The following CDSN variants were observed in gnomAD, a reference collection of about 807,000 sequenced individuals.
CDSN encodes the protein S protein.
In CDSN, 11 loss-of-function variants were observed where a neutral mutation model predicts 25.6. The observed-to-expected ratio is 0.43, with a 90% CI of 0.27 to 0.71. CDSN has a LOEUF of 0.71. Ranked by LOEUF, CDSN falls within the 30% of genes least tolerant of loss-of-function variation. CDSN has a pLI of 0.20. For missense variants in CDSN, 598 were observed against 670.9 expected (o/e 0.89, Z 1.20); for synonymous variants, 266 against 267.4 (o/e 0.99, Z 0.05).
In CDSN at chr6:31,116,184, A is replaced by G; in HGVS notation, c.1431T>C (p.Pro477=). Residue 477 remains proline (P), a synonymous_variant, in exon 2 of 2, where the codon CCT becomes CCC. Coordinates refer to ENST00000376288, the MANE Select transcript of CDSN (RefSeq NM_001264.5). ...AGGGCTTGGCACCAGCGGAGGGATC[A>G]GGATGGGGAGAGCCATCGGGGCCCC... The part of the protein sequence containing the change: ...LTGGPDGSPH[P]DPSAGAKPCG... The G allele has an allele frequency of 6.2e-7, 1 of 1,613,310 alleles. No homozygotes were observed. Among genetic ancestry groups the G allele is most frequent in the Non-Finnish European group, 8.5e-7 (1 of 1,179,564 alleles).
In CDSN at chr6:31,120,424, G is replaced by C. The variant is rs767309535; in HGVS notation, c.-5C>G. The C allele has an allele frequency of 6.3e-7, 1 of 1,576,824 alleles. No individual in the cohort carries two copies. The highest frequency in any genetic ancestry group is 1.4e-5 in the African/African-American group (1 of 73,986). ...GGGTGCCCGAGACGAGCCCATCTCGGACTGCACGGCCTCCTGACTGATGGC... is the reference window on the plus strand; with the variant it reads ...GGGTGCCCGAGACGAGCCCATCTCGCACTGCACGGCCTCCTGACTGATGGC... On this transcript the variant is annotated 5_prime_UTR_variant, in exon 1 of 2. Transcript: ENST00000376288.
chr6:31,117,565 A>G, intron 1 of CDSN, 36 bp from the exon 2 acceptor site: 1 of 1,528,626 alleles, frequency 6.5e-7, no homozygotes. Context: ...AGGGCCAAGG[A>G]GGCTTGGCTT....
In CDSN at chr6:31,117,637, G is replaced by A. The variant is rs144820504; in HGVS notation, c.86-108C>T. The A allele has an allele frequency of 2.0e-5, 19 of 927,322 alleles. No individual in the cohort carries two copies. The African/African-American group carries it at 2.5e-4, about 12-fold the overall frequency. The allele number at this position is 927,322 out of a possible 1,614,324, so 57.4% of individuals were successfully genotyped here. On this transcript the variant is annotated intron_variant, in intron 1 of 1. Transcript: ENST00000376288. ...CTCTCGGGTTTCTCCCAAGCAGAGC[G>A]CAGGGAGAGTTTAGGGATGGAGAAA...
rs565620030 is a variant in CDSN, at chr6:31,116,047, C to T, written c.1568G>A (p.Gly523Glu). Residue 523 changes from glycine to glutamate, a missense_variant, in exon 2 of 2, where the codon GGA becomes GAA. Transcript: ENST00000376288. ...TTCTTATGGACTGTTGAGTAACTCT[C>T]CTTGGGGTAGGAAAACTTCAGGGTC... ...LADPEVFLPQ[G>E]ELLNSP The T allele has an allele frequency of 1.9e-6, 3 of 1,611,998 alleles. No individual in the cohort carries two copies. Among genetic ancestry groups the T allele is most frequent in the African/African-American group, 2.7e-5 (2 of 74,974 alleles).
chr6:31,116,128 C>T lies in CDSN; in HGVS notation c.1487G>A (p.Cys496Tyr), dbSNP rs774392868. 10 of 1,610,984 alleles carry T rather than the reference C, an allele frequency of 6.2e-6. No individual in the cohort carries two copies. Among genetic ancestry groups the T allele is most frequent in the Non-Finnish European group, 8.5e-7 (1 of 1,178,368 alleles). ...GGCTAGGATATCCCGGATGGAGCGG[C>T]AGGGGATCTTTCCAGCACTGCTGGA... ...CGSSSAGKIPCRSIRDILAQV... is the reference protein window; with the variant it reads ...CGSSSAGKIPYRSIRDILAQV... The change falls in exon 2 of 2, where the codon TGC becomes TAC. Residue 496 changes from cysteine to tyrosine, a missense_variant. Transcript: ENST00000376288.
At position 31,115,523 on chromosome 6, in the gene CDSN, A is replaced by C; in HGVS notation, c.*502T>G. 6.0e-6 allele frequency: 1 copy of C among 167,100 alleles called. No homozygotes were observed. The highest frequency in any genetic ancestry group is 1.3e-5 in the Non-Finnish European group (1 of 76,234). The allele number at this position is 167,100 out of a possible 1,614,324, so 10.4% of individuals were successfully genotyped here. A position where few individuals can be genotyped will look rare whatever the true frequency, so the allele number is the denominator to read the frequency against. ...ATTGGGAGCGAGAGCCCAGTGGCAT[A>C]TTGGGTGGGTTGACTAGATGTCGAA... On this transcript the variant is annotated 3_prime_UTR_variant, in exon 2 of 2. Transcript: ENST00000376288. This position sits in a 1 kb window ranked among gnomAD's most constrained non-coding sequence, Gnocchi z 4.2.
chr6:31,117,850 G>A (rs1772252294), intron 1 of CDSN: 2 of 369,616 alleles, frequency 5.4e-6, no homozygotes, highest in African/African-American at 4.1e-5. Flanking sequence ...GGTAATCCCA[G>A]CACTTTGGGA....
In CDSN at chr6:31,117,015, C is replaced by T. The variant is rs3130983; in HGVS notation, c.600G>A (p.Gln200=). Residue 200 remains glutamine, a synonymous_variant, in exon 2 of 2, where the codon CAG becomes CAA. Coordinates refer to ENST00000376288, the MANE Select transcript of CDSN (RefSeq NM_001264.5). ...GGCCACTGCTGGATACCCCAAAGGT[C>T]TGGGAAGAGGAAGAGCTTTGTCCAG... The part of the protein sequence containing the change: ...SQPGQSSSSS[Q]TFGVSSSGQS... 0.52 allele frequency: 832,474 copies of T among 1,613,822 alleles called. 220,029 individuals are homozygous for T. Among genetic ancestry groups the T allele is most frequent in the East Asian group, 0.69 (30,726 of 44,854 alleles).
rs748624222 is a variant in CDSN at position 31,116,587 on chromosome 6, G to C, written c.1028C>G (p.Pro343Arg). The C allele has an allele frequency of 6.2e-7, 1 of 1,613,798 alleles. No homozygotes were observed. Among genetic ancestry groups the C allele is most frequent in the South Asian group, 1.1e-5 (1 of 91,084 alleles). The change falls in exon 2 of 2, where the codon CCC becomes CGC. Residue 343 changes from proline to arginine, a missense_variant. Transcript: ENST00000376288. Reference sequence around the variant, plus strand: ...GAAGTATTTGCCCTCAGAGATGGGGGGCCCAGCTGCAAAGGAAGGGACCCC... The same window carrying C: ...GAAGTATTTGCCCTCAGAGATGGGGCGCCCAGCTGCAAAGGAAGGGACCCC... ...SPGVPSFAAG[P>R]PISEGKYFSS...
In CDSN at chr6:31,116,973, G is replaced by A; in HGVS notation, c.642C>T (p.Asn214=). ...GGATGTCCGAACTACAGGGACGCTG[G>A]TTGGAGCTGACGCTTTGGCCACTGC... The part of the protein sequence containing the change: ...VSSSGQSVSS[N]QRPCSSDIPD... Residue 214 remains asparagine (N), a synonymous_variant, in exon 2 of 2, where the codon AAC becomes AAT. Coordinates refer to ENST00000376288, the MANE Select transcript of CDSN (RefSeq NM_001264.5). 1.2e-6 allele frequency: 2 copies of A among 1,614,242 alleles called. No homozygotes were observed. The highest frequency in any genetic ancestry group is 1.7e-6 in the Non-Finnish European group (2 of 1,180,048).
chr6:31,116,820 AG>A lies in CDSN; in HGVS notation c.794del (p.Pro265LeufsTer25). The A allele has an allele frequency of 1.2e-6, 2 of 1,613,996 alleles. No homozygotes were observed. Among genetic ancestry groups the A allele is most frequent in the Non-Finnish European group, 1.7e-6 (2 of 1,179,962 alleles). ...TACAGGGGGGACCTTGAACCACTCC[AG>A]GGGCACCAGAACCGTGCTGGTCCAC... ...VVVDQHGSGA[P>X]GVVQGPPCSN... is the part of the protein sequence containing the mutation. On this transcript the variant is annotated frameshift_variant, in exon 2 of 2. Transcript: ENST00000376288. LOFTEE classifies it high-confidence loss of function.
chr6:31,117,599 C>A, intron 1 of CDSN, 70 bp from the exon 2 acceptor site: 1 of 1,373,262 alleles, frequency 7.3e-7, no homozygotes, highest in Non-Finnish European at 1.0e-6. Context: ...TCTGCCTTAT[C>A]TCAGTCATCG....
intron 1 of CDSN, 76 bp downstream of exon 1, chr6:31,120,259 C>T (rs1033617864): frequency 3.0e-5 from 35 of 1,156,330 alleles, no homozygotes; most frequent in Non-Finnish European, 4.2e-5. Context: ...GAGCCCCTGC[C>T]TGTCCCCTTC....
chr6:31,116,825 C>T lies in CDSN; in HGVS notation c.790G>A (p.Ala264Thr), dbSNP rs1772158572. The T allele has an allele frequency of 6.2e-7, 1 of 1,613,936 alleles. No homozygotes were observed. Among genetic ancestry groups the T allele is most frequent in the South Asian group, 1.1e-5 (1 of 91,088 alleles). Residue 264 changes from alanine to threonine, a missense_variant, in exon 2 of 2, where the codon GCC becomes ACC. Physicochemically the swap from Ala to Thr is moderately conservative, Grantham distance 58 (BLOSUM62 0). Transcript: ENST00000376288. ...VVVVDQHGSG[A>T]PGVVQGPPCS... ...GGGGGACCTTGAACCACTCCAGGGG[C>T]ACCAGAACCGTGCTGGTCCACCACC... is the stretch of plus-strand genomic sequence containing the variant.
chr6:31,120,257 G>T, intron 1 of CDSN, 78 bp downstream of exon 1: 1 of 1,138,678 alleles, frequency 8.8e-7, no homozygotes. Context: ...CAGAGCCCCT[G>T]CCTGTCCCCT....
chr6:31,116,647 T>G lies in CDSN; in HGVS notation c.968A>C (p.Tyr323Ser). ...YSKGKIYPVG[Y>S]FTKENPVKGS... Reference sequence around the variant, plus strand: ...TTTCACAGGGTTCTCTTTGGTGAAGTAGCCCACAGGGTAGATTTTACCCTT... The same window carrying G: ...TTTCACAGGGTTCTCTTTGGTGAAGGAGCCCACAGGGTAGATTTTACCCTT... Residue 323 changes from tyrosine to serine, a missense_variant, in exon 2 of 2, where the codon TAC becomes TCC. Physicochemically the swap from Tyr to Ser is moderately radical, Grantham distance 144 (BLOSUM62 -2). Transcript: ENST00000376288. The G allele has an allele frequency of 6.2e-7, 1 of 1,612,894 alleles. No individual in the cohort carries two copies. The highest frequency in any genetic ancestry group is 8.5e-7 in the Non-Finnish European group (1 of 1,180,000).
rs762172969 is a variant in CDSN, at chr6:31,116,391, G to A, written c.1224C>T (p.Ser408=). 49 of 1,601,742 alleles carry A rather than the reference G, an allele frequency of 3.1e-5. No homozygotes were observed. Among genetic ancestry groups the A allele is most frequent in the Middle Eastern group, 1.6e-4 (1 of 6,066 alleles). Residue 408 remains serine (S), a synonymous_variant, in exon 2 of 2, where the codon TCC becomes TCT. Transcript: ENST00000376288. ...VPSSSSISSS[S]GLPYHPCGSA... is the part of the protein sequence containing the mutation. Reference sequence around the variant, plus strand: ...TGCCGCAGGGATGGTAGGGTAAACCGGAGCTGCTGGAAATGCTAGAACTGC... The same window carrying A: ...TGCCGCAGGGATGGTAGGGTAAACCAGAGCTGCTGGAAATGCTAGAACTGC...
chr6:31,116,390 C>T lies in CDSN; in HGVS notation c.1225G>A (p.Gly409Ser), dbSNP rs774643559. The T allele has an allele frequency of 5.6e-6, 9 of 1,602,498 alleles. No individual in the cohort carries two copies. Among genetic ancestry groups the T allele is most frequent in the African/African-American group, 2.7e-5 (2 of 74,762 alleles). Residue 409 changes from glycine to serine, a missense_variant, in exon 2 of 2, where the codon GGT becomes AGT. Gly to Ser is a moderately conservative substitution (Grantham distance 56, BLOSUM62 0). Transcript: ENST00000376288. ...CTGCCGCAGGGATGGTAGGGTAAAC[C>T]GGAGCTGCTGGAAATGCTAGAACTG... ...PSSSSISSSS[G>S]LPYHPCGSAS...
rs767008527 is a variant in CDSN at position 31,117,153 on chromosome 6, A to G, written c.462T>C (p.His154=). The change falls in exon 2 of 2, where the codon CAT becomes CAC. Residue 154 remains histidine, a synonymous_variant. Transcript: ENST00000376288. ...ACTGAAAGCTGCTGCTGCTGCTCGA[A>G]TGAGAGCTGCTGCTTCCCGAGTGAG... The part of the protein sequence containing the change: ...SGSHSGSSSS[H]SSSSSSFQFS... The G allele has an allele frequency of 6.8e-6, 11 of 1,606,674 alleles. No homozygotes were observed. Among genetic ancestry groups the G allele is most frequent in the Admixed American group, 1.7e-5 (1 of 59,666 alleles).
Sources: gnomAD v4.1 joint callset for allele counts on GRCh38, gnomAD v4.1.1 for gene constraint, Gnocchi (gnomAD v3.1) non-coding constraint, MANE v1.5 for transcripts, NCBI Gene and HGNC (gene_info 2026-07-23, HGNC 2026-07-21) for gene names.